SPIDR: variants seen among roughly 807,000 people sequenced by gnomAD.
SPIDR encodes DNA repair-scaffolding protein.
A neutral mutation model predicts 104.6 loss-of-function variants in SPIDR; 93 were observed. The ratio of observed to expected loss-of-function variants is 0.89; its 90% CI spans 0.75 to 1.06. The LOEUF (loss-of-function observed/expected upper bound fraction) is 1.06. Among genes scored for constraint, SPIDR ranks in the 50% least tolerant of loss-of-function variants. The pLI is 0.00. For synonymous variants in SPIDR, 431 were observed against 416.9 expected (o/e 1.03, Z -0.41); for missense variants, 1,154 against 1,111.2 (o/e 1.04, Z -0.55).
At chr8:47,729,592 G>A (rs1738584549) in intron 19 of SPIDR, 127 bp downstream of exon 19, 2 of 1,049,252 alleles carry the variant, frequency 1.9e-6, no homozygotes, top group Non-Finnish European at 2.7e-6. Flanking sequence ...AAGTGGTGTA[G>A]ACACTCGAGA....
intron 5 of SPIDR, among the ~76,000 whole-genome samples, chr8:47,303,024 G>T (rs1244401913): frequency 2.0e-5 from 3 of 152,324 alleles, no homozygotes; most frequent in Admixed American, 1.3e-4. Context: ...GTTTTGTTTG[G>T]TTATGCCCTG....
At chr8:47,466,222 C>A (rs1246324473) in intron 8 of SPIDR, among the ~76,000 whole-genome samples, 2 of 152,170 alleles carry the variant, frequency 1.3e-5, no homozygotes, top group African/African-American at 4.8e-5. Flanking sequence ...AATATACATT[C>A]TTCTCATTAT....
chr8:47,550,783 T>C (rs2090327498), intron 8 of SPIDR, among the ~76,000 whole-genome samples: 3 of 152,228 alleles, frequency 2.0e-5, no homozygotes. Context: ...CTGATTGCCC[T>C]GGCCAGAACT....
intron 10 of SPIDR, among the ~76,000 whole-genome samples, chr8:47,625,920 G>A (rs1330230504): frequency 8.5e-5 from 13 of 152,118 alleles, no homozygotes; most frequent in African/African-American, 1.4e-4. Context: ...AAAAGAGCCC[G>A]CATTGCCAAG....
chr8:47,638,897 C>T (rs375289018), intron 10 of SPIDR, among the ~76,000 whole-genome samples: 14 of 152,180 alleles, frequency 9.2e-5, no homozygotes, highest in African/African-American at 2.4e-4. Context: ...TCGGCATGAA[C>T]GGTTCCTATT....
chr8:47,734,790 A>C (rs1384513157), intron 19 of SPIDR, among the ~76,000 whole-genome samples: 1 of 152,210 alleles, frequency 6.6e-6, no homozygotes, highest in African/African-American at 2.4e-5. Context: ...GGACTAACCA[A>C]AAAGAATTAG....
intron 8 of SPIDR, among the ~76,000 whole-genome samples, chr8:47,595,512 T>G (rs2061543954): frequency 6.6e-6 from 1 of 152,368 alleles, no homozygotes; most frequent in Non-Finnish European, 1.5e-5. Flanking sequence ...AGTTTTTGTT[T>G]ATCCTCCGTA....
chr8:47,391,383 A>AT (rs1234963404), intron 5 of SPIDR, among the ~76,000 whole-genome samples: 3 of 151,738 alleles, frequency 2.0e-5, no homozygotes, highest in Non-Finnish European at 4.4e-5. Context: ...ACAAAAAAAA[A>AT]TTTAAAAATA....
intron 7 of SPIDR, among the ~76,000 whole-genome samples, chr8:47,418,429 T>C (rs1451895077): frequency 6.6e-6 from 1 of 151,970 alleles, no homozygotes; most frequent in African/African-American, 2.4e-5. Flanking sequence ...CTGTTTGTTA[T>C]TGGTATATAA....
chr8:47,498,905 T>C (rs2079882255), intron 8 of SPIDR, among the ~76,000 whole-genome samples: 1 of 152,214 alleles, frequency 6.6e-6, no homozygotes, highest in Non-Finnish European at 1.5e-5. Flanking sequence ...AGCTTTTTGA[T>C]GACGTACTGA....
At chr8:47,673,551 A>G (rs2154472344) in intron 10 of SPIDR, 1 of 560,784 alleles carries the variant, frequency 1.8e-6, no homozygotes, top group Middle Eastern at 3.2e-4. Flanking sequence ...TGGTTCAAAC[A>G]CCTGCATGAA....
chr8:47,496,718 CT>C (rs71225690), intron 8 of SPIDR, among the ~76,000 whole-genome samples: 25,738 of 110,462 alleles, frequency 0.23, 2,661 homozygotes, highest in Middle Eastern at 0.45. Context: ...ATTCCCTACT[CT>C]TTTTTTTTTT....
intron 8 of SPIDR, among the ~76,000 whole-genome samples, chr8:47,497,937 A>G (rs755700515): frequency 3.0e-4 from 45 of 152,168 alleles, no homozygotes; most frequent in Admixed American, 5.9e-4. Flanking sequence ...AACAAAGGGA[A>G]TTGTGGCAGT....
At chr8:47,467,569 A>G (rs1032099145) in intron 8 of SPIDR, among the ~76,000 whole-genome samples, 5 of 152,254 alleles carry the variant, frequency 3.3e-5, no homozygotes, top group Non-Finnish European at 7.3e-5. Context: ...ATGCAAATCA[A>G]TAAATGTGAT....
intron 5 of SPIDR, chr8:47,330,962 A>G (rs1587102867): frequency 5.9e-6 from 2 of 339,984 alleles, no homozygotes; most frequent in East Asian, 1.5e-4. Context: ...AACATTTTGC[A>G]TTCCCACCAG....
intron 5 of SPIDR, among the ~76,000 whole-genome samples, chr8:47,331,989 C>CTTTTTTTTT (rs1289524835): frequency 5.5e-5 from 2 of 36,324 alleles, no homozygotes; most frequent in Non-Finnish European, 1.1e-4. Flanking sequence ...TTTTTTTTCT[C>CTTTTTTTTT]TTTTTTTTTT....
At chr8:47,432,824 G>C (rs1007243625) in intron 7 of SPIDR, among the ~76,000 whole-genome samples, 18 of 152,126 alleles carry the variant, frequency 1.2e-4, no homozygotes, top group Non-Finnish European at 1.9e-4. Flanking sequence ...GAAGTAGTTT[G>C]GATTTAATCC....
intron 8 of SPIDR, among the ~76,000 whole-genome samples, chr8:47,481,770 T>A (rs576039994): frequency 3.3e-5 from 5 of 152,214 alleles, no homozygotes; most frequent in Non-Finnish European, 7.3e-5. Context: ...TGACTCTACA[T>A]AATTGAGTTT....
In SPIDR at chr8:47,598,933, G is replaced by T. The variant is rs777122589; in HGVS notation, c.1294-13G>T. ...TGAGTCTTGAAACTGTTCCCTTTAT[G>T]TGTCTTGGCCAGGTTGTGTGTAGTG... is the stretch of plus-strand genomic sequence containing the variant. On this transcript the variant is annotated splice_polypyrimidine_tract_variant and intron_variant, in intron 9 of 19. Transcript: ENST00000297423. 6.2e-7 allele frequency: 1 copy of T among 1,613,380 alleles called. No individual in the cohort carries two copies. Among genetic ancestry groups the T allele is most frequent in the Admixed American group, 1.7e-5 (1 of 59,976 alleles).
Sources: gnomAD v4.1 joint callset for allele counts (sites outside exome capture counted in the v4.1 genomes callset) on GRCh38, gnomAD v4.1.1 for gene constraint, MANE v1.5 for transcripts, NCBI Gene and HGNC (gene_info 2026-07-23, HGNC 2026-07-21) for gene names.